Variants in LRRC7 observed in about 807,000 individuals in gnomAD.
The protein encoded by LRRC7 is leucine rich repeat containing 7, also known as leucine-rich repeat-containing protein 7.
LRRC7 carries 23 observed loss-of-function variants against 175.7 expected under a neutral mutation model. That is an observed-to-expected ratio of 0.13 (90% CI 0.09 to 0.19). The LOEUF (loss-of-function observed/expected upper bound fraction) is 0.19. Among genes scored for constraint, LRRC7 ranks in the 10% least tolerant of loss-of-function variants. The pLI is 1.00. For missense variants in LRRC7, 1,354 were observed against 1,904.7 expected, an observed-to-expected ratio of 0.71 and a Z score of 5.38; for synonymous variants, 685 against 680.9, an observed-to-expected ratio of 1.01 and a Z score of -0.09.
At chr1:69,856,958 CAT>C (rs1259164218) in intron 7 of LRRC7, among the ~76,000 whole-genome samples, 1 of 152,112 alleles carries the variant, frequency 6.6e-6, no homozygotes, top group Non-Finnish European at 1.5e-5. Flanking sequence ...GCTGGTTCAA[CAT>C]ACACAAATCA....
chr1:69,817,298 G>A (rs1678714442), intron 4 of LRRC7, among the ~76,000 whole-genome samples: 1 of 151,666 alleles, frequency 6.6e-6, no homozygotes, highest in Non-Finnish European at 1.5e-5. Flanking sequence ...AATCCATTTT[G>A]GGTTGATTTT....
intron 5 of LRRC7, among the ~76,000 whole-genome samples, chr1:69,832,709 T>A (rs1359581400): frequency 6.6e-6 from 1 of 152,174 alleles, no homozygotes; most frequent in Non-Finnish European, 1.5e-5. Context: ...ACCAATGATG[T>A]CACTTCTAAG....
intron 2 of LRRC7, among the ~76,000 whole-genome samples, chr1:69,721,444 T>C (rs1479113777): frequency 8.3e-6 from 1 of 120,454 alleles, no homozygotes; most frequent in African/African-American, 3.2e-5. Flanking sequence ...GAATGTCATA[T>C]AATTGGAATG....
intron 1 of LRRC7, among the ~76,000 whole-genome samples, chr1:69,662,778 A>G (rs371176488): frequency 1.2e-4 from 19 of 152,354 alleles, no homozygotes; most frequent in African/African-American, 4.3e-4. Flanking sequence ...CTATTTATCA[A>G]TGGCTATTGA....
At chr1:69,648,302 A>G (rs572678015) in intron 1 of LRRC7, among the ~76,000 whole-genome samples, 50 of 152,242 alleles carry the variant, frequency 3.3e-4, no homozygotes, top group Admixed American at 5.9e-4. Context: ...GGTGTTATGA[A>G]AAGGGAATTG....
At chr1:69,909,327 T>G (rs889130338) in intron 7 of LRRC7, among the ~76,000 whole-genome samples, 15 of 152,288 alleles carry the variant, frequency 9.8e-5, no homozygotes, top group East Asian at 9.7e-4. Context: ...GTTAGCTGGT[T>G]ATTTTGCTCG....
intron 2 of LRRC7, among the ~76,000 whole-genome samples, chr1:69,682,271 A>G (rs942860640): frequency 6.6e-6 from 1 of 152,110 alleles, no homozygotes; most frequent in African/African-American, 2.4e-5. Flanking sequence ...ATTTTGATTA[A>G]CTCAAAATGT....
intron 2 of LRRC7, among the ~76,000 whole-genome samples, chr1:69,723,906 C>G (rs1381158825): frequency 6.6e-6 from 1 of 152,090 alleles, no homozygotes; most frequent in Non-Finnish European, 1.5e-5. Flanking sequence ...CAATATCTCC[C>G]AAAGGCCCCT....
chr1:69,945,441 C>T (rs1011697636), intron 8 of LRRC7, among the ~76,000 whole-genome samples: 4 of 151,946 alleles, frequency 2.6e-5, no homozygotes, highest in Non-Finnish European at 5.9e-5. Context: ...TAGTATGATG[C>T]CTCTAGCTTT....
At chr1:69,757,284 C>T (rs1181103625) in intron 2 of LRRC7, among the ~76,000 whole-genome samples, 1 of 151,956 alleles carries the variant, frequency 6.6e-6, no homozygotes, top group South Asian at 2.1e-4. Flanking sequence ...CAGAAATTGG[C>T]TAATCAGCAT....
chr1:69,661,230 C>T (rs1657424912), intron 1 of LRRC7, among the ~76,000 whole-genome samples: 1 of 152,106 alleles, frequency 6.6e-6, no homozygotes, highest in Non-Finnish European at 1.5e-5. Context: ...CTGACCACTT[C>T]AAGCTGCTAG....
intron 22 of LRRC7, among the ~76,000 whole-genome samples, chr1:70,047,453 G>T (rs1660415940): frequency 6.6e-6 from 1 of 151,978 alleles, no homozygotes; most frequent in Non-Finnish European, 1.5e-5. Flanking sequence ...TTGCAACTAG[G>T]ACAAAGAAGA....
At chr1:69,810,044 T>A (rs1677640957) in intron 4 of LRRC7, among the ~76,000 whole-genome samples, 1 of 152,150 alleles carries the variant, frequency 6.6e-6, no homozygotes, top group African/African-American at 2.4e-5. Context: ...GCCCAAAATC[T>A]CCTTAAGCTT....
chr1:69,830,842 C>A (rs571758319), intron 5 of LRRC7, among the ~76,000 whole-genome samples: 2 of 151,826 alleles, frequency 1.3e-5, no homozygotes, highest in South Asian at 4.1e-4. Flanking sequence ...TTATAACCAG[C>A]CTGATAAAAA....
At chr1:69,980,953 A>C (rs770605123) in intron 9 of LRRC7, among the ~76,000 whole-genome samples, 1 of 152,196 alleles carries the variant, frequency 6.6e-6, no homozygotes, top group African/African-American at 2.4e-5. Context: ...TATTAAAAAC[A>C]GAAAGTTAAA....
intron 2 of LRRC7, among the ~76,000 whole-genome samples, chr1:69,726,453 C>A (rs1666985794): frequency 6.6e-6 from 1 of 152,070 alleles, no homozygotes; most frequent in Admixed American, 6.6e-5. Context: ...AAATATGGCA[C>A]CACTGGTCAT....
At chr1:69,964,447 T>A (rs1219587468) in intron 8 of LRRC7, among the ~76,000 whole-genome samples, 2 of 152,362 alleles carry the variant, frequency 1.3e-5, no homozygotes, top group East Asian at 3.9e-4. Flanking sequence ...GCATACTGCC[T>A]GTCCAGGGAT....
chr1:69,873,532 G>A (rs1685761012), intron 7 of LRRC7: 1 of 525,808 alleles, frequency 1.9e-6, no homozygotes, highest in Admixed American at 2.0e-5. Flanking sequence ...ACCTACAACA[G>A]AGGATGTGGA....
chr1:69,776,287 CAT>C (rs1162553850), intron 3 of LRRC7, among the ~76,000 whole-genome samples: 1 of 152,044 alleles, frequency 6.6e-6, no homozygotes, highest in Non-Finnish European at 1.5e-5. Flanking sequence ...GTCTGCAAAA[CAT>C]AACCTTTCAA....
Sources: gnomAD v4.1 joint callset for allele counts (sites outside exome capture counted in the v4.1 genomes callset) on GRCh38, gnomAD v4.1.1 for gene constraint, MANE v1.5 for transcripts, NCBI Gene and HGNC (gene_info 2026-07-23, HGNC 2026-07-21) for gene names.